NLGN1: variants seen among roughly 807,000 people sequenced by gnomAD.
NLGN1 encodes neuroligin 1, also known as neuroligin-1.
A neutral mutation model predicts 65.5 loss-of-function variants in NLGN1; 12 were observed. The ratio of observed to expected loss-of-function variants is 0.18; its 90% CI spans 0.12 to 0.30. NLGN1 has a LOEUF of 0.30. Ranked by LOEUF, NLGN1 falls within the 10% of genes least tolerant of loss-of-function variation. The pLI is 1.00. For missense variants in NLGN1, 750 were observed against 1,007.1 expected (o/e 0.74, Z 3.46); for synonymous variants, 350 against 359.5 (o/e 0.97, Z 0.30).
rs111998338 is a variant in NLGN1, at chr3:173,680,807, G to A, written c.493+75716G>A. ...GTATATACAATATTTATTTGTTTCA[G>A]TTCTTGGTGCAGAACAGAACGTTCT... On this transcript the variant is annotated intron_variant, in intron 3 of 6. Transcript: ENST00000457714. 4.6e-3 allele frequency among the ~76,000 whole-genome samples: 704 copies of A among 152,260 alleles called. 1 individual carries two copies. The highest frequency in any genetic ancestry group is 7.5e-3 in the Non-Finnish European group (512 of 68,012).
intron 3 of NLGN1, among the ~76,000 whole-genome samples, chr3:173,682,648 A>C (rs1435748562): frequency 6.6e-6 from 1 of 151,680 alleles, no homozygotes; most frequent in Non-Finnish European, 1.5e-5. Flanking sequence ...TTCCATACCT[A>C]AGAACTTAAA....
chr3:173,573,276 C>T (rs917500536), intron 2 of NLGN1, among the ~76,000 whole-genome samples: 21 of 152,054 alleles, frequency 1.4e-4, no homozygotes, highest in Non-Finnish European at 2.6e-4. Flanking sequence ...TATGTACCCT[C>T]CAAACTGGAA....
At chr3:173,967,557 T>C (rs1715163716) in intron 4 of NLGN1, among the ~76,000 whole-genome samples, 1 of 152,234 alleles carries the variant, frequency 6.6e-6, no homozygotes, top group Admixed American at 6.5e-5. Flanking sequence ...GTAACCTCTC[T>C]TTATATTTTC....
At chr3:173,946,322 G>GTGTGTA (rs1287456371) in intron 4 of NLGN1, among the ~76,000 whole-genome samples, 2 of 152,138 alleles carry the variant, frequency 1.3e-5, no homozygotes, top group Non-Finnish European at 2.9e-5. Flanking sequence ...GGTTGTGTGT[G>GTGTGTA]TGTGTATGTG....
At chr3:173,740,739 A>G (rs569221842) in intron 3 of NLGN1, among the ~76,000 whole-genome samples, 135 of 152,254 alleles carry the variant, frequency 8.9e-4, no homozygotes, top group African/African-American at 3.2e-3. Context: ...GTTTATAGGC[A>G]AGGAAGCAAT....
intron 4 of NLGN1, among the ~76,000 whole-genome samples, chr3:174,126,716 A>G (rs1164461271): frequency 6.6e-6 from 1 of 152,124 alleles, no homozygotes; most frequent in Non-Finnish European, 1.5e-5. Flanking sequence ...TTGGAAAACT[A>G]GACCCTTGAA....
At chr3:174,036,777 C>T (rs2152482928) in intron 4 of NLGN1, among the ~76,000 whole-genome samples, 1 of 152,004 alleles carries the variant, frequency 6.6e-6, no homozygotes, top group Middle Eastern at 3.4e-3. Flanking sequence ...CCAATAGACC[C>T]CAGTGTGTGG....
chr3:173,828,977 G>T (rs1721930067), intron 4 of NLGN1, among the ~76,000 whole-genome samples: 1 of 152,016 alleles, frequency 6.6e-6, no homozygotes, highest in Admixed American at 6.6e-5. Flanking sequence ...AAGCAATAAT[G>T]CCATGACCTC....
chr3:173,866,955 T>C (rs1730296570), intron 4 of NLGN1, among the ~76,000 whole-genome samples: 1 of 152,182 alleles, frequency 6.6e-6, no homozygotes, highest in Non-Finnish European at 1.5e-5. Flanking sequence ...GTAAGAATTA[T>C]ACCATTCAGA....
chr3:173,679,915 C>A (rs16829390), intron 3 of NLGN1, among the ~76,000 whole-genome samples: 5,265 of 152,068 alleles, frequency 0.035, 110 homozygotes, highest in Middle Eastern at 0.044. Flanking sequence ...GATAAAAGTT[C>A]TTTGAAAAGT....
intron 3 of NLGN1, among the ~76,000 whole-genome samples, chr3:173,666,445 GA>G (rs1307919745): frequency 6.6e-6 from 1 of 152,048 alleles, no homozygotes; most frequent in Non-Finnish European, 1.5e-5. Context: ...GAAGGGAGTT[GA>G]AAAAATGCCT....
chr3:174,046,687 A>T (rs1015753248), intron 4 of NLGN1, among the ~76,000 whole-genome samples: 3 of 152,150 alleles, frequency 2.0e-5, no homozygotes, highest in African/African-American at 7.2e-5. Flanking sequence ...TTATAGTTCT[A>T]TCTCATAATG....
At chr3:173,469,435 T>G (rs1231185475) in intron 2 of NLGN1, among the ~76,000 whole-genome samples, 1 of 152,088 alleles carries the variant, frequency 6.6e-6, no homozygotes, top group Non-Finnish European at 1.5e-5. Context: ...GGAAGCAGTC[T>G]GATTACACAG....
chr3:173,414,103 C>G (rs1235987012), intron 1 of NLGN1, among the ~76,000 whole-genome samples: 1 of 152,098 alleles, frequency 6.6e-6, no homozygotes, highest in Non-Finnish European at 1.5e-5. Context: ...CATATGGGAA[C>G]AGGAGTGGGG....
chr3:173,605,186 A>G (rs1228878863), intron 3 of NLGN1, 95 bp downstream of exon 2: 8 of 1,040,922 alleles, frequency 7.7e-6, no homozygotes, highest in Non-Finnish European at 1.1e-5. Context: ...GGTAGTATGC[A>G]TGGCTTTTCC....
chr3:173,682,544 G>A (rs966545093), intron 3 of NLGN1, among the ~76,000 whole-genome samples: 2 of 127,824 alleles, frequency 1.6e-5, no homozygotes, highest in African/African-American at 6.0e-5. Flanking sequence ...AGCCGAGATT[G>A]CACCACTGCA....
chr3:173,525,072 A>G (rs1051433477), intron 2 of NLGN1, among the ~76,000 whole-genome samples: 2 of 152,104 alleles, frequency 1.3e-5, no homozygotes, highest in Non-Finnish European at 2.9e-5. Flanking sequence ...TGCTGGTTTT[A>G]TAGACTAGTT....
intron 3 of NLGN1, among the ~76,000 whole-genome samples, chr3:173,633,299 C>A (rs953497468): frequency 6.6e-6 from 1 of 152,136 alleles, no homozygotes; most frequent in Non-Finnish European, 1.5e-5. Context: ...CATGGCTTGG[C>A]CTCTGCAAAC....
At chr3:173,457,418 T>C (rs1722685770) in intron 2 of NLGN1, among the ~76,000 whole-genome samples, 1 of 152,048 alleles carries the variant, frequency 6.6e-6, no homozygotes, top group Admixed American at 6.6e-5. Context: ...CAAGTGTGAC[T>C]TGAGTAAAAT....
Sources: gnomAD v4.1 joint callset for allele counts (sites outside exome capture counted in the v4.1 genomes callset) on GRCh38, gnomAD v4.1.1 for gene constraint, MANE v1.5 for transcripts, NCBI Gene and HGNC (gene_info 2026-07-23, HGNC 2026-07-21) for gene names.